C12orf42: variants seen among roughly 807,000 people sequenced by gnomAD.
C12orf42 encodes the protein uncharacterized protein C12orf42.
C12orf42 carries 25 observed loss-of-function variants against 21.6 expected under a neutral mutation model. That is an observed-to-expected ratio of 1.16 (90% CI 0.84 to 1.62). The LOEUF is 1.62. C12orf42 is among the 40% of genes most tolerant of loss of function. C12orf42 has a pLI of 0.00. For missense variants in C12orf42, 483 were observed against 459.3 expected (o/e 1.05, Z -0.47); for synonymous variants, 174 against 175.0 (o/e 0.99, Z 0.05).
chr12:103,309,826 C>A (rs1018237633), intron 4 of C12orf42, among the ~76,000 whole-genome samples: 1 of 152,212 alleles, frequency 6.6e-6, no homozygotes, highest in Non-Finnish European at 1.5e-5. Context: ...ATTGGCCATG[C>A]CAGGTGCCCA....
chr12:103,351,663 G>T lies in C12orf42; in HGVS notation c.259+17224C>A, dbSNP rs12305510. Reference sequence around the variant, plus strand: ...ATAGAGTCAGACCAAGAAGAAGTCGGGTAGAACATATGCACACAGCCTGGC... The same window carrying T: ...ATAGAGTCAGACCAAGAAGAAGTCGTGTAGAACATATGCACACAGCCTGGC... On this transcript the variant is annotated intron_variant, in intron 4 of 5. Coordinates refer to ENST00000548883, the MANE Select transcript of C12orf42 (RefSeq NM_198521.5). Among the ~76,000 whole-genome samples, 2 of 151,778 alleles carry T rather than the reference G, an allele frequency of 1.3e-5. 1 individual carries two copies. The highest frequency in any genetic ancestry group is 2.9e-5 in the Non-Finnish European group (2 of 67,974).
At chr12:103,309,972 G>T (rs2038803572) in intron 4 of C12orf42, among the ~76,000 whole-genome samples, 1 of 152,166 alleles carries the variant, frequency 6.6e-6, no homozygotes, top group African/African-American at 2.4e-5. Flanking sequence ...CAGTATAAGG[G>T]GCCAGAGACC....
intron 2 of C12orf42, among the ~76,000 whole-genome samples, chr12:103,405,625 G>T (rs1311516356): frequency 6.6e-6 from 1 of 152,088 alleles, no homozygotes; most frequent in Non-Finnish European, 1.5e-5. Flanking sequence ...AGTTCCCAGG[G>T]GGATCTACAA....
At chr12:103,478,552 A>G (rs1954238893) in intron 1 of C12orf42, 105 bp from the exon 2 acceptor site, 1 of 507,620 alleles carries the variant, frequency 2.0e-6, no homozygotes, top group Non-Finnish European at 3.3e-6. Context: ...CTATCCATGA[A>G]CATAGTATTT....
chr12:103,135,988 G>T, the C12orf42 span, among the ~76,000 whole-genome samples: 1 of 152,048 alleles, frequency 6.6e-6, no homozygotes, highest in Non-Finnish European at 1.5e-5. Context: ...TTTCCTCTAA[G>T]ATCTGACACA....
At chr12:103,347,362 T>C (rs990559331) in intron 4 of C12orf42, among the ~76,000 whole-genome samples, 5 of 152,170 alleles carry the variant, frequency 3.3e-5, no homozygotes, top group Non-Finnish European at 7.3e-5. Flanking sequence ...GCTTCATCCA[T>C]GTCCATGCAA....
At chr12:103,294,473 A>AGAAAGAAAGAAAGAAAGAAG (rs1566025507) in intron 4 of C12orf42, among the ~76,000 whole-genome samples, 3 of 91,054 alleles carry the variant, frequency 3.3e-5, no homozygotes, top group African/African-American at 1.1e-4. Context: ...AAAGAAAGAA[A>AGAAAGAAAGAAAGAAAGAAG]TAAGCAAGCA....
At chr12:103,367,462 T>G (rs946547413) in intron 4 of C12orf42, among the ~76,000 whole-genome samples, 5 of 138,246 alleles carry the variant, frequency 3.6e-5, no homozygotes, top group East Asian at 2.2e-4. Context: ...AAAAAGAAAA[T>G]AAAGAAAGAA....
At chr12:103,223,348 G>T in the C12orf42 span, among the ~76,000 whole-genome samples, 1 of 152,094 alleles carries the variant, frequency 6.6e-6, no homozygotes, top group Non-Finnish European at 1.5e-5. Context: ...AGAAACATTT[G>T]TCGTATAGAA....
the C12orf42 span, among the ~76,000 whole-genome samples, chr12:103,180,689 C>T: frequency 1.3e-4 from 15 of 119,760 alleles, no homozygotes; most frequent in Middle Eastern, 6.4e-3. Context: ...AGTGCAATGG[C>T]GTGATCTCGG....
the C12orf42 span, among the ~76,000 whole-genome samples, chr12:103,188,596 C>A: frequency 6.6e-6 from 1 of 152,030 alleles, no homozygotes; most frequent in African/African-American, 2.4e-5. Context: ...GGGGTGGATC[C>A]CTTATGAATG....
the C12orf42 span, among the ~76,000 whole-genome samples, chr12:103,108,262 T>G: frequency 6.6e-6 from 1 of 151,818 alleles, no homozygotes; most frequent in Admixed American, 6.5e-5. Context: ...TCCTGTTATA[T>G]AAGATGTTTT....
At chr12:103,220,451 C>T in the C12orf42 span, among the ~76,000 whole-genome samples, 4 of 152,012 alleles carry the variant, frequency 2.6e-5, no homozygotes, top group Non-Finnish European at 5.9e-5. Context: ...TATATATTTA[C>T]AGATTTTTTC....
intron 4 of C12orf42, among the ~76,000 whole-genome samples, chr12:103,344,511 T>C (rs1362382728): frequency 2.0e-5 from 3 of 152,138 alleles, no homozygotes; most frequent in African/African-American, 7.2e-5. Flanking sequence ...CAGCCCCTAC[T>C]TTGCTGCCTA....
chr12:103,534,699 C>T, the C12orf42 span, among the ~76,000 whole-genome samples: 86 of 152,186 alleles, frequency 5.7e-4, no homozygotes, highest in African/African-American at 1.9e-3. Context: ...TGAGACGGTT[C>T]TCTATGGGTC....
At chr12:103,241,415 G>A (rs1021965486) in intron 10 of C12orf42, among the ~76,000 whole-genome samples, 38 of 152,086 alleles carry the variant, frequency 2.5e-4, no homozygotes, top group African/African-American at 8.4e-4. Flanking sequence ...AACCACGTCC[G>A]GTGGCTGCAC....
At chr12:103,552,053 G>T in the C12orf42 span, among the ~76,000 whole-genome samples, 1 of 151,662 alleles carries the variant, frequency 6.6e-6, no homozygotes, top group Non-Finnish European at 1.5e-5. Flanking sequence ...AACTTAAACT[G>T]TTTATTGTGA....
At chr12:103,295,246 T>A (rs777052367) in intron 4 of C12orf42, among the ~76,000 whole-genome samples, 7 of 152,136 alleles carry the variant, frequency 4.6e-5, no homozygotes, top group Non-Finnish European at 8.8e-5. Context: ...TACAAAAACA[T>A]TACCTCATCC....
the C12orf42 span, among the ~76,000 whole-genome samples, chr12:103,048,675 A>G: frequency 1.3e-5 from 2 of 152,180 alleles, no homozygotes; most frequent in Non-Finnish European, 2.9e-5. Context: ...TGTGCTCCGG[A>G]GAAGAGCTTA....
Sources: gnomAD v4.1 joint callset for allele counts (sites outside exome capture counted in the v4.1 genomes callset) on GRCh38, gnomAD v4.1.1 for gene constraint, MANE v1.5 for transcripts, NCBI Gene and HGNC (gene_info 2026-07-23, HGNC 2026-07-21) for gene names.